Variants in RUNX1 observed in about 807,000 individuals in gnomAD.
The protein encoded by RUNX1 is runt-related transcription factor 1.
In RUNX1, 19 loss-of-function variants were observed where a neutral mutation model predicts 42.8. That is an observed-to-expected ratio of 0.44 (90% confidence interval 0.31 to 0.65). The LOEUF is 0.65. RUNX1 is among the 30% of genes least tolerant of loss of function. The pLI is 0.07. For missense variants in RUNX1, 528 were observed against 672.0 expected (o/e 0.79, Z 2.37); for synonymous variants, 271 against 289.4 (o/e 0.94, Z 0.64).
intron 2 of RUNX1, among the ~76,000 whole-genome samples, chr21:34,958,211 G>T (rs1225736403): frequency 6.6e-6 from 1 of 152,136 alleles, no homozygotes; most frequent in Non-Finnish European, 1.5e-5. Context: ...TCTAGACACT[G>T]CCAGCGCCCA....
chr21:34,880,394 A>C (rs542439830), intron 5 of RUNX1, among the ~76,000 whole-genome samples, 163 bp downstream of exon 5: 7 of 152,378 alleles, frequency 4.6e-5, no homozygotes, highest in Non-Finnish European at 8.8e-5. Context: ...TCTGCTAAAA[A>C]TATTAAACTT....
rs1214847618 is a variant in RUNX1 at position 34,901,061 on chromosome 21, T to C, written c.59-8098A>G. ...AGTGAGGGAGCTACTGGTCTAATGGTCTAAGCTATGGAATCCATCCTCATC... is the reference window on the plus strand; with the variant it reads ...AGTGAGGGAGCTACTGGTCTAATGGCCTAAGCTATGGAATCCATCCTCATC... On this transcript the variant is annotated intron_variant, in intron 2 of 8. Transcript: ENST00000675419. This position sits in a 1 kb window ranked among gnomAD's most constrained non-coding sequence, Gnocchi z 4.3. Among the ~76,000 whole-genome samples the C allele has an allele frequency of 6.6e-6, 1 of 152,112 alleles. No individual in the cohort carries two copies. Among genetic ancestry groups the C allele is most frequent in the South Asian group, 2.1e-4 (1 of 4,824 alleles).
intron 3 of RUNX1, among the ~76,000 whole-genome samples, chr21:34,890,025 C>T (rs2058060773): frequency 6.6e-6 from 1 of 152,144 alleles, no homozygotes; most frequent in African/African-American, 2.4e-5. Flanking sequence ...GGGCCCCTGA[C>T]GCCCGCTCCT....
At chr21:34,836,681 G>A (rs538577621) in intron 6 of RUNX1, among the ~76,000 whole-genome samples, 14 of 152,302 alleles carry the variant, frequency 9.2e-5, no homozygotes, top group Admixed American at 5.2e-4. Flanking sequence ...AATGCCAGTC[G>A]GCAAAGGCTG....
At position 34,859,487 on chromosome 21, in the gene RUNX1, G is replaced by A. The variant is rs2146234551; in HGVS notation, c.600C>T (p.Pro200=). The change falls in exon 6 of 9, where the codon CCC becomes CCT. Residue 200 remains proline, a synonymous_variant. Coordinates refer to ENST00000675419, the MANE Select transcript of RUNX1 (RefSeq NM_001754.5). ...HRAIKITVDG[P]REPRRHRQKL... is the part of the protein sequence containing the mutation. Reference sequence around the variant, plus strand: ...GGATGCACTTACTTCGAGGTTCTCGGGGCCCATCCACTGTGATTTTGATGG... The same window carrying A: ...GGATGCACTTACTTCGAGGTTCTCGAGGCCCATCCACTGTGATTTTGATGG... 1 of 1,613,388 alleles carries A rather than the reference G, an allele frequency of 6.2e-7. No homozygotes were observed. The highest frequency in any genetic ancestry group is 8.5e-7 in the Non-Finnish European group (1 of 1,179,336).
At chr21:34,977,112 T>C (rs954433409) in intron 2 of RUNX1, among the ~76,000 whole-genome samples, 3 of 152,258 alleles carry the variant, frequency 2.0e-5, no homozygotes, top group Admixed American at 1.3e-4. Flanking sequence ...TTGTGTTTTG[T>C]TGTTGCTGCC....
intron 2 of RUNX1, among the ~76,000 whole-genome samples, chr21:34,943,278 G>T (rs1346335332): frequency 6.6e-6 from 1 of 152,292 alleles, no homozygotes; most frequent in African/African-American, 2.4e-5. Flanking sequence ...AAACAGAAAA[G>T]AATCTGTCTT....
chr21:34,966,484 A>G (rs960710746), intron 2 of RUNX1, among the ~76,000 whole-genome samples: 16 of 152,150 alleles, frequency 1.1e-4, no homozygotes, highest in African/African-American at 3.9e-4. Context: ...GGAGAAGAAG[A>G]TGCTTTGGTT....
intron 6 of RUNX1, among the ~76,000 whole-genome samples, chr21:34,849,270 TATATATATAATATATATTATATATAAA>T (rs2057361106): frequency 2.2e-5 from 1 of 45,620 alleles, no homozygotes; most frequent in Non-Finnish European, 4.1e-5. Flanking sequence ...ATATATATAA[TATATATATAATATATATTATATATAAA>T]ATATATAATA....
At chr21:34,807,209 C>T (rs1453173340) in intron 7 of RUNX1, among the ~76,000 whole-genome samples, 1 of 152,126 alleles carries the variant, frequency 6.6e-6, no homozygotes, top group African/African-American at 2.4e-5. Context: ...CCCTCTTTGT[C>T]CTCGTGCTCC....
intron 6 of RUNX1, among the ~76,000 whole-genome samples, chr21:34,845,603 T>A (rs1012139019): frequency 1.2e-4 from 18 of 152,166 alleles, no homozygotes; most frequent in Admixed American, 1.0e-3. Flanking sequence ...CACTCTGGTG[T>A]GTGAAAGCAA....
intron 2 of RUNX1, among the ~76,000 whole-genome samples, chr21:34,916,278 G>C (rs186373242): frequency 5.3e-4 from 81 of 152,266 alleles, no homozygotes; most frequent in Admixed American, 4.1e-3. Context: ...TCTGTTACCT[G>C]ATCATTAATA....
At chr21:35,027,258 G>A (rs2059244186) in intron 2 of RUNX1, among the ~76,000 whole-genome samples, 2 of 152,226 alleles carry the variant, frequency 1.3e-5, no homozygotes, top group South Asian at 4.1e-4. Context: ...ACAGCTTGGA[G>A]GCGGGAGATT....
At chr21:34,832,515 G>A (rs1285563294) in intron 7 of RUNX1, among the ~76,000 whole-genome samples, 1 of 152,156 alleles carries the variant, frequency 6.6e-6, no homozygotes, top group Non-Finnish European at 1.5e-5. Context: ...TAAATGGCCA[G>A]TTAGGCAACG....
At chr21:34,902,560 A>G (rs1286828569) in intron 2 of RUNX1, among the ~76,000 whole-genome samples, 1 of 152,208 alleles carries the variant, frequency 6.6e-6, no homozygotes, top group African/African-American at 2.4e-5. Flanking sequence ...TTATCTTCAA[A>G]TGATAGCTAG....
chr21:34,839,352 G>A (rs1055798118), intron 6 of RUNX1, among the ~76,000 whole-genome samples: 35 of 149,364 alleles, frequency 2.3e-4, no homozygotes, highest in African/African-American at 8.0e-4. Flanking sequence ...AACACTCACC[G>A]ACACACACAC....
chr21:34,872,768 G>A (rs1485705147), intron 5 of RUNX1, among the ~76,000 whole-genome samples: 7 of 152,044 alleles, frequency 4.6e-5, no homozygotes, highest in Non-Finnish European at 1.0e-4. Context: ...TTCATGGTAG[G>A]ACGTTTAGTA....
intron 2 of RUNX1, among the ~76,000 whole-genome samples, chr21:34,930,855 T>G (rs2058439095): frequency 6.6e-6 from 1 of 152,126 alleles, no homozygotes; most frequent in East Asian, 1.9e-4. Flanking sequence ...GGTCACCCAT[T>G]TCTTCCTAGA....
In RUNX1 at chr21:34,993,656, CAGACACACAG is replaced by C. The variant is rs1252946061; in HGVS notation, c.58+55176_58+55185del. 2.8e-3 allele frequency among the ~76,000 whole-genome samples: 408 copies of C among 144,336 alleles called. 16 individuals are homozygous for C. Among genetic ancestry groups the C allele is most frequent in the African/African-American group, 0.011 (395 of 36,400 alleles). The allele number at this position is 144,336 out of a possible 152,430, so 94.7% of individuals were successfully genotyped here. A position where few individuals can be genotyped will look rare whatever the true frequency, so the allele number is the denominator to read the frequency against. Reference sequence around the variant, plus strand: ...ACAGACACACACAGGCACACACACACAGACACACAGAGACACACACACAGACACACACACA... The same window carrying C: ...ACAGACACACACAGGCACACACACACAGACACACACACAGACACACACACA... On this transcript the variant is annotated intron_variant, in intron 2 of 8. Transcript: ENST00000675419.
Sources: allele counts gnomAD v4.1 joint callset (sites outside exome capture counted in the v4.1 genomes callset), GRCh38; gene constraint gnomAD v4.1.1; non-coding constraint Gnocchi (gnomAD v3.1); transcripts MANE v1.5; gene names NCBI Gene and HGNC (gene_info 2026-07-23, HGNC 2026-07-21).